SLC25A26: variants seen among roughly 807,000 people sequenced by gnomAD.
SLC25A26 encodes the protein mitochondrial S-adenosylmethionine carrier protein.
In SLC25A26, 36 loss-of-function variants were observed where a neutral mutation model predicts 37.8. The ratio of observed to expected loss-of-function variants is 0.95; its 90% CI spans 0.73 to 1.26. The LOEUF is 1.26. SLC25A26 is among the 50% of genes most tolerant of loss of function. The pLI is 0.00. For missense variants in SLC25A26, 390 were observed against 331.1 expected, an observed-to-expected ratio of 1.18 and a Z score of -1.38; for synonymous variants, 129 against 122.5, an observed-to-expected ratio of 1.05 and a Z score of -0.35.
upstream of SLC25A26, among the ~76,000 whole-genome samples, chr3:66,216,054 T>C (rs1388536903): frequency 6.6e-6 from 1 of 152,180 alleles, no homozygotes; most frequent in Non-Finnish European, 1.5e-5. Flanking sequence ...GATTGAATAC[T>C]TTGTGAAGCT....
At chr3:66,298,799 A>C (rs553004202) in intron 5 of SLC25A26, among the ~76,000 whole-genome samples, 1 of 152,362 alleles carries the variant, frequency 6.6e-6, no homozygotes, top group East Asian at 1.9e-4. Context: ...AAAGCATTAC[A>C]GGATGACGTT....
At chr3:66,356,041 C>CATAT (rs2076568229) in intron 6 of SLC25A26, 1 of 456,058 alleles carries the variant, frequency 2.2e-6, no homozygotes, top group Admixed American at 2.3e-5. Context: ...GGTTGGAAGC[C>CATAT]ATATAACTGC....
intron 6 of SLC25A26, among the ~76,000 whole-genome samples, chr3:66,347,159 A>G (rs2107742094): frequency 6.6e-6 from 1 of 152,350 alleles, no homozygotes; most frequent in African/African-American, 2.4e-5. Context: ...TGCACAGCAA[A>G]AGAAACTATC....
intron 2 of SLC25A26, among the ~76,000 whole-genome samples, chr3:66,239,837 T>C (rs1447492890): frequency 2.0e-5 from 3 of 148,948 alleles, no homozygotes; most frequent in African/African-American, 7.4e-5. Context: ...TTTTTTTTTT[T>C]TTTAACAGTG....
At chr3:66,204,242 G>A (rs1162177832) in intron 1 of SLC25A26, among the ~76,000 whole-genome samples, 1 of 151,830 alleles carries the variant, frequency 6.6e-6, no homozygotes, top group Non-Finnish European at 1.5e-5. Context: ...TGGCTAACAC[G>A]GTGAAACCCC....
At chr3:66,209,661 TA>T (rs1426281072) in intron 1 of SLC25A26, among the ~76,000 whole-genome samples, 1 of 139,384 alleles carries the variant, frequency 7.2e-6, no homozygotes, top group Non-Finnish European at 1.5e-5. Context: ...TAGATATATA[TA>T]AATATATATA....
upstream of SLC25A26, chr3:66,220,967 G>C: frequency 1.0e-6 from 1 of 999,902 alleles, no homozygotes; most frequent in Non-Finnish European, 1.5e-6. Flanking sequence ...CAGTTGTTGT[G>C]GTTCTACGTC....
At chr3:66,340,875 T>C (rs549602075) in intron 5 of SLC25A26, among the ~76,000 whole-genome samples, 41 of 140,856 alleles carry the variant, frequency 2.9e-4, no homozygotes, top group African/African-American at 8.7e-4. Flanking sequence ...ATATTGTAAA[T>C]ATAATTTTTT....
intron 4 of SLC25A26, 56 bp from the exon 5 acceptor site, chr3:66,263,276 G>T (rs2073601120): frequency 7.6e-7 from 1 of 1,308,922 alleles, no homozygotes; most frequent in Non-Finnish European, 1.1e-6. Flanking sequence ...TATACAGAAT[G>T]TCCTTCAGAA....
At chr3:66,315,007 TTTC>T (rs1429334029) in intron 5 of SLC25A26, among the ~76,000 whole-genome samples, 3 of 151,880 alleles carry the variant, frequency 2.0e-5, no homozygotes, top group African/African-American at 7.2e-5. Context: ...ATTTGATTCT[TTTC>T]TTCTTTATTA....
At chr3:66,280,783 T>A (rs1400350542) in intron 5 of SLC25A26, among the ~76,000 whole-genome samples, 1 of 152,256 alleles carries the variant, frequency 6.6e-6, no homozygotes, top group South Asian at 2.1e-4. Context: ...TCTGCTCTGC[T>A]CCTCTTTCTT....
At chr3:66,354,635 CT>C (rs1181617040) in intron 6 of SLC25A26, among the ~76,000 whole-genome samples, 1 of 152,128 alleles carries the variant, frequency 6.6e-6, no homozygotes, top group Non-Finnish European at 1.5e-5. Context: ...TTCTCTGATA[CT>C]TTTAGTAATA....
In SLC25A26 at chr3:66,236,526, C is replaced by A; in HGVS notation, c.34-18C>A. ...TAACCTTTTTTTTTTCTTTTTCTTC[C>A]CTCTTTTTTTTTCAAAGGCTGGTGG... On this transcript the variant is annotated intron_variant, in intron 1 of 9. Transcript: ENST00000354883. 7.0e-7 allele frequency: 1 copy of A among 1,422,366 alleles called. No individual in the cohort carries two copies. The highest frequency in any genetic ancestry group is 9.2e-7 in the Non-Finnish European group (1 of 1,081,982). The allele number at this position is 1,422,366 out of a possible 1,614,324, so 88.1% of individuals were successfully genotyped here. A position where few individuals can be genotyped will look rare whatever the true frequency, so the allele number is the denominator to read the frequency against.
In SLC25A26 at chr3:66,231,886, C is replaced by T. The variant is rs1042870924; in HGVS notation, c.34-4658C>T. Among the ~76,000 whole-genome samples the T allele has an allele frequency of 1.1e-4, 17 of 151,990 alleles. 1 individual carries two copies. The highest frequency in any genetic ancestry group is 2.9e-5 in the Non-Finnish European group (2 of 68,004). On this transcript the variant is annotated intron_variant, in intron 1 of 9. Coordinates refer to ENST00000354883, the MANE Select transcript of SLC25A26 (RefSeq NM_001379210.1). ...TCCTGGGCCCAAGTGAGCATCCCAC[C>T]TCAGCCTCCCAGCAGCTAGGACTAC... is the stretch of plus-strand genomic sequence containing the variant.
At chr3:66,185,701 C>T (rs994653363) in intron 1 of SLC25A26, among the ~76,000 whole-genome samples, 47 of 152,244 alleles carry the variant, frequency 3.1e-4, no homozygotes, top group African/African-American at 1.1e-3. Flanking sequence ...TGTCCTTACA[C>T]TGTGCTAGAG....
intron 1 of SLC25A26, among the ~76,000 whole-genome samples, chr3:66,222,472 C>T (rs565249141): frequency 1.9e-4 from 29 of 152,314 alleles, no homozygotes; most frequent in African/African-American, 5.1e-4. Flanking sequence ...TGAGCCACGG[C>T]GCCTGGCCAA....
intron 1 of SLC25A26, among the ~76,000 whole-genome samples, chr3:66,221,943 T>G (rs1275055859): frequency 6.6e-6 from 1 of 151,942 alleles, no homozygotes; most frequent in Non-Finnish European, 1.5e-5. Context: ...ATTTTGGTGT[T>G]GCAGGTGTTG....
At chr3:66,159,753 G>T (rs182811785) in intron 1 of SLC25A26, among the ~76,000 whole-genome samples, 159 of 152,238 alleles carry the variant, frequency 1.0e-3, no homozygotes, top group African/African-American at 3.8e-3. Context: ...ATAGCTTCCC[G>T]TGAACAGCAA....
chr3:66,370,994 A>G (rs377241874), intron 9 of SLC25A26, among the ~76,000 whole-genome samples: 41 of 152,340 alleles, frequency 2.7e-4, no homozygotes, highest in African/African-American at 8.9e-4. Flanking sequence ...GTAACAAATT[A>G]CTTTGAACAT....
Sources: allele counts gnomAD v4.1 joint callset (sites outside exome capture counted in the v4.1 genomes callset), GRCh38; gene constraint gnomAD v4.1.1; transcripts MANE v1.5; gene names NCBI Gene and HGNC (gene_info 2026-07-23, HGNC 2026-07-21).